Variants in ZGPAT observed in about 807,000 individuals in gnomAD.
ZGPAT encodes the protein zinc finger CCCH-type with G patch domain-containing protein.
A neutral mutation model predicts 47.9 loss-of-function variants in ZGPAT; 39 were observed. That is an observed-to-expected ratio of 0.81 (90% CI 0.63 to 1.06). The LOEUF is 1.06. Among genes scored for constraint, ZGPAT ranks in the 50% least tolerant of loss-of-function variants. The pLI is 0.00. For synonymous variants in ZGPAT, 348 were observed against 292.9 expected (o/e 1.19, Z -1.92); for missense variants, 717 against 681.4 (o/e 1.05, Z -0.58).
intron 2 of ZGPAT, among the ~76,000 whole-genome samples, chr20:63,710,495 C>T (rs1201490082): frequency 6.6e-6 from 1 of 152,178 alleles, no homozygotes; most frequent in Non-Finnish European, 1.5e-5. Context: ...TTAAATTTTA[C>T]TTTCATGGAG....
At chr20:63,717,958 G>A (rs552596339) in intron 2 of ZGPAT, among the ~76,000 whole-genome samples, 7 of 152,132 alleles carry the variant, frequency 4.6e-5, no homozygotes, top group African/African-American at 7.2e-5. Flanking sequence ...CAGGAGAATC[G>A]CTTGAACCTG....
intron 2 of ZGPAT, among the ~76,000 whole-genome samples, chr20:63,713,828 G>C (rs1243665638): frequency 6.7e-6 from 1 of 149,282 alleles, no homozygotes; most frequent in Admixed American, 6.7e-5. Flanking sequence ...CTGAGATCGC[G>C]CCATTGCACT....
At chr20:63,714,417 A>G (rs1409971801) in intron 2 of ZGPAT, among the ~76,000 whole-genome samples, 1 of 100,372 alleles carries the variant, frequency 1.0e-5, no homozygotes, top group African/African-American at 4.2e-5. Flanking sequence ...CAGAGCAAGA[A>G]CCCTGTCTTT....
chr20:63,734,225 T>G, intron 4 of ZGPAT: 1 of 244,056 alleles, frequency 4.1e-6, no homozygotes, highest in Non-Finnish European at 8.0e-6. Flanking sequence ...TGTGTGTGTA[T>G]ATATGTGGGA....
At chr20:63,733,460 C>T (rs2091944281) in intron 3 of ZGPAT, 108 bp downstream of exon 3, 10 of 1,595,862 alleles carry the variant, frequency 6.3e-6, no homozygotes, top group Middle Eastern at 3.3e-4. Flanking sequence ...GGGACTCTGG[C>T]TCTGGGCCCG....
Position 63,732,674 on chromosome 20 carries a change from CT to C in ZGPAT, c.585-544del, listed in dbSNP as rs764725717. On this transcript the variant is annotated intron_variant, in intron 2 of 6. Transcript: ENST00000355969. ...AATGTGTGTGTACATGTGTATATGCCTGTGTGCATGTGTGTATGCATGTGTA... is the reference window on the plus strand; with the variant it reads ...AATGTGTGTGTACATGTGTATATGCCGTGTGCATGTGTGTATGCATGTGTA... 4.1e-3 allele frequency among the ~76,000 whole-genome samples: 278 copies of C among 67,010 alleles called. 2 individuals are homozygous for C. The highest frequency in any genetic ancestry group is 4.9e-3 in the Non-Finnish European group (176 of 36,106). The allele number at this position is 67,010 out of a possible 152,430, so 44.0% of individuals were successfully genotyped here.
intron 2 of ZGPAT, among the ~76,000 whole-genome samples, chr20:63,713,450 C>T (rs557063138): frequency 9.6e-4 from 146 of 151,864 alleles, no homozygotes; most frequent in African/African-American, 3.2e-3. Flanking sequence ...AGGATGGTCT[C>T]GAACTCTTGA....
chr20:63,733,877 G>T lies in ZGPAT; in HGVS notation c.871+138G>T, dbSNP rs2091948769. 1.2e-5 allele frequency: 14 copies of T among 1,196,090 alleles called. No homozygotes were observed. The South Asian group carries it at 1.7e-4, about 14-fold the overall frequency. 74.1% of individuals were successfully genotyped at this position (1,196,090 alleles called of 1,614,324 possible). ...CGGCGAGGGTGCCACCTGTGCCTGAGGAGGCCGTGTGGGTAGGGGTAGATC... is the reference window on the plus strand; with the variant it reads ...CGGCGAGGGTGCCACCTGTGCCTGATGAGGCCGTGTGGGTAGGGGTAGATC... On this transcript the variant is annotated intron_variant, in intron 4 of 6. Transcript: ENST00000355969.
chr20:63,712,825 G>A (rs2091683962), intron 2 of ZGPAT, among the ~76,000 whole-genome samples: 1 of 152,078 alleles, frequency 6.6e-6, no homozygotes, highest in Non-Finnish European at 1.5e-5. Context: ...GAACCTGGGA[G>A]GAGGAGGTTG....
At chr20:63,722,626 A>G (rs1288293372) in intron 2 of ZGPAT, among the ~76,000 whole-genome samples, 1 of 151,990 alleles carries the variant, frequency 6.6e-6, no homozygotes, top group Non-Finnish European at 1.5e-5. Flanking sequence ...TACTAACTTA[A>G]CACTTAAAGT....
intron 2 of ZGPAT, among the ~76,000 whole-genome samples, chr20:63,732,000 CA>C (rs1274944037): frequency 6.6e-6 from 1 of 152,200 alleles, no homozygotes; most frequent in African/African-American, 2.4e-5. Context: ...TTGGTTTGCA[CA>C]GGGGGTTTCC....
chr20:63,732,805 TGC>T (rs1385575820), intron 2 of ZGPAT, among the ~76,000 whole-genome samples: 5 of 143,920 alleles, frequency 3.5e-5, no homozygotes, highest in East Asian at 3.2e-4. Flanking sequence ...TGCATGTTTA[TGC>T]GTGTGTATGT....
chr20:63,718,442 C>G (rs932172910), intron 2 of ZGPAT, among the ~76,000 whole-genome samples: 1 of 151,952 alleles, frequency 6.6e-6, no homozygotes, highest in Non-Finnish European at 1.5e-5. Flanking sequence ...AAGTGATCCT[C>G]CCACCTCAGC....
intron 2 of ZGPAT, among the ~76,000 whole-genome samples, chr20:63,718,051 G>GA (rs981671734): frequency 8.8e-5 from 13 of 147,814 alleles, no homozygotes; most frequent in East Asian, 2.0e-4. Context: ...CTCAAGAAAA[G>GA]AAAAAAAAAA....
Position 63,733,636 on chromosome 20 carries a change from G to A in ZGPAT, c.768G>A (p.Arg256=), listed in dbSNP as rs1402855433. Residue 256 remains arginine (R), a synonymous_variant, in exon 4 of 7, where the codon AGG becomes AGA. Coordinates refer to ENST00000355969, the MANE Select transcript of ZGPAT (RefSeq NM_181485.3). Reference sequence around the variant, plus strand: ...TCAAGTTTGACTCGCTGCTGCTGAGGGAGGCCGTGGTGGAGGGGGACGGCA... The same window carrying A: ...TCAAGTTTGACTCGCTGCTGCTGAGAGAGGCCGTGGTGGAGGGGGACGGCA... ...YTVKFDSLLL[R]EAVVEGDGIL... 1.2e-6 allele frequency: 2 copies of A among 1,613,956 alleles called. No individual in the cohort carries two copies. The highest frequency in any genetic ancestry group is 1.3e-5 in the African/African-American group (1 of 74,942).
chr20:63,719,580 A>G (rs1202218165), intron 2 of ZGPAT, among the ~76,000 whole-genome samples: 1 of 151,902 alleles, frequency 6.6e-6, no homozygotes, highest in Non-Finnish European at 1.5e-5. Context: ...TTTTCACTAC[A>G]GTTACTGTAC....
In ZGPAT at chr20:63,735,484, C is replaced by A; in HGVS notation, c.1317C>A (p.Leu439=). 1 of 1,546,468 alleles carries A rather than the reference C, an allele frequency of 6.5e-7. No homozygotes were observed. The change falls in exon 6 of 7, where the codon CTC becomes CTA. Residue 439 remains leucine (L), a synonymous_variant. Coordinates refer to ENST00000355969, the MANE Select transcript of ZGPAT (RefSeq NM_181485.3). ...CCAAGCGGGCCCTGAGCCTGCGGCTCTTCCAGACTGAGGAGAAGATCGAGC... is the reference window on the plus strand; with the variant it reads ...CCAAGCGGGCCCTGAGCCTGCGGCTATTCCAGACTGAGGAGAAGATCGAGC... ...KSAKRALSLR[L]FQTEEKIERT... is the part of the protein sequence containing the mutation.
intron 2 of ZGPAT, among the ~76,000 whole-genome samples, chr20:63,725,966 G>A (rs2091841716): frequency 6.6e-6 from 1 of 151,548 alleles, no homozygotes; most frequent in South Asian, 2.1e-4. Context: ...CTCCTGAGTA[G>A]TTGGGACTAC....
At position 63,733,700 on chromosome 20, in the gene ZGPAT, T is replaced by C. The variant is rs1555831179; in HGVS notation, c.832T>C (p.Ser278Pro). 1 of 1,613,900 alleles carries C rather than the reference T, an allele frequency of 6.2e-7. No individual in the cohort carries two copies. The highest frequency in any genetic ancestry group is 1.1e-5 in the South Asian group (1 of 91,084). ...PLRTEATESD[S>P]DSDGTGDSSY... ...GCGCACAGAGGCCACAGAGTCCGACTCAGACAGCGACGGTACGGGTGACTC... is the reference window on the plus strand; with the variant it reads ...GCGCACAGAGGCCACAGAGTCCGACCCAGACAGCGACGGTACGGGTGACTC... Residue 278 changes from serine (S) to proline (P), a missense_variant, in exon 4 of 7, where the codon TCA becomes CCA. Transcript: ENST00000355969.
Sources: gnomAD v4.1 joint callset for allele counts (sites outside exome capture counted in the v4.1 genomes callset) on GRCh38, gnomAD v4.1.1 for gene constraint, MANE v1.5 for transcripts, NCBI Gene and HGNC (gene_info 2026-07-23, HGNC 2026-07-21) for gene names.